Variants in TACR3 observed in about 807,000 individuals in gnomAD.
TACR3 encodes the protein neuromedin-K receptor.
In TACR3, 34 loss-of-function variants were observed where a neutral mutation model predicts 35.0. That is an observed-to-expected ratio of 0.97 (90% CI 0.74 to 1.30). The LOEUF is 1.30. TACR3 is among the 50% of genes most tolerant of loss of function. TACR3 has a pLI of 0.00. For missense variants in TACR3, 558 were observed against 591.7 expected (o/e 0.94, Z 0.59); for synonymous variants, 233 against 221.1 (o/e 1.05, Z -0.48).
chr4:103,691,105 C>T (rs1169514684), intron 1 of TACR3, among the ~76,000 whole-genome samples: 1 of 152,172 alleles, frequency 6.6e-6, no homozygotes, highest in Admixed American at 6.5e-5. Flanking sequence ...CAATCTCACT[C>T]CTATTTTCTT....
At chr4:103,602,462 T>C (rs189702119) in intron 3 of TACR3, among the ~76,000 whole-genome samples, 1 of 150,024 alleles carries the variant, frequency 6.7e-6, no homozygotes, top group East Asian at 2.0e-4. Context: ...AGAGGTGCTC[T>C]GCTTTTTAGA....
At chr4:103,629,846 AAAAC>A (rs1725007705) in intron 3 of TACR3, among the ~76,000 whole-genome samples, 8 of 100,210 alleles carry the variant, frequency 8.0e-5, no homozygotes, top group Non-Finnish European at 1.4e-4. Flanking sequence ...AATCCTAAGC[AAAAC>A]AAAAAAAAAA....
chr4:103,665,277 C>CTATGACTATTCATATATGTATATATGAA (rs1725913285), intron 1 of TACR3, among the ~76,000 whole-genome samples: 3 of 151,556 alleles, frequency 2.0e-5, no homozygotes, highest in Admixed American at 6.6e-5. Context: ...GTATATATGA[C>CTATGACTATTCATATATGTATATATGAA]TATGACTATT....
intron 1 of TACR3, among the ~76,000 whole-genome samples, chr4:103,709,247 A>G (rs975895992): frequency 1.3e-5 from 2 of 152,216 alleles, no homozygotes; most frequent in African/African-American, 2.4e-5. Context: ...TGTTAAGGGC[A>G]GCCAGAGAGA....
intron 1 of TACR3, among the ~76,000 whole-genome samples, chr4:103,700,368 G>A (rs545683189): frequency 5.3e-5 from 8 of 152,240 alleles, no homozygotes; most frequent in South Asian, 2.1e-4. Flanking sequence ...ACAGGAGTGT[G>A]TAACAGATAA....
At chr4:103,688,093 G>A (rs184523602) in intron 1 of TACR3, among the ~76,000 whole-genome samples, 75 of 151,986 alleles carry the variant, frequency 4.9e-4, no homozygotes, top group African/African-American at 1.3e-3. Context: ...AAATAATGCC[G>A]CATATCTACA....
intron 3 of TACR3, among the ~76,000 whole-genome samples, chr4:103,629,640 A>T (rs1488861533): frequency 2.6e-5 from 4 of 152,136 alleles, no homozygotes; most frequent in Admixed American, 2.6e-4. Flanking sequence ...GAAATAAAAG[A>T]GTACACAAAC....
At chr4:103,594,891 T>A (rs962814267) in intron 3 of TACR3, among the ~76,000 whole-genome samples, 1 of 144,028 alleles carries the variant, frequency 6.9e-6, no homozygotes, top group African/African-American at 2.4e-5. Flanking sequence ...TGCTATAATA[T>A]ATTTTCTGTA....
chr4:103,656,482 T>G, intron 2 of TACR3, 138 bp from the exon 3 acceptor site: 2 of 807,118 alleles, frequency 2.5e-6, no homozygotes. Context: ...ATCTCAAAAT[T>G]CCATCAAAAT....
chr4:103,693,354 A>T (rs190639581), intron 1 of TACR3, among the ~76,000 whole-genome samples: 1 of 152,304 alleles, frequency 6.6e-6, no homozygotes, highest in Admixed American at 6.5e-5. Flanking sequence ...AGACACACAG[A>T]GGTGAAGCTG....
At chr4:103,681,168 CA>C (rs539775960) in intron 1 of TACR3, among the ~76,000 whole-genome samples, 19 of 151,992 alleles carry the variant, frequency 1.3e-4, no homozygotes, top group African/African-American at 4.3e-4. Context: ...GATAAAATGT[CA>C]CTTTAGTTAT....
chr4:103,630,384 C>G (rs1725031240), intron 3 of TACR3, among the ~76,000 whole-genome samples: 1 of 152,138 alleles, frequency 6.6e-6, no homozygotes, highest in African/African-American at 2.4e-5. Context: ...AAGAAACTAC[C>G]ATCAGAGTGA....
intron 2 of TACR3, among the ~76,000 whole-genome samples, chr4:103,657,282 C>T (rs1397362574): frequency 1.3e-5 from 2 of 151,758 alleles, no homozygotes; most frequent in African/African-American, 4.8e-5. Flanking sequence ...TTCCATTTCT[C>T]AGTAGATTAC....
chr4:103,695,592 T>C (rs1347233447), intron 1 of TACR3, among the ~76,000 whole-genome samples: 1 of 152,098 alleles, frequency 6.6e-6, no homozygotes, highest in Non-Finnish European at 1.5e-5. Flanking sequence ...TCCAGTGAAG[T>C]AAATAGTAAA....
At chr4:103,638,460 C>A (rs1230931352) in intron 3 of TACR3, among the ~76,000 whole-genome samples, 3 of 151,852 alleles carry the variant, frequency 2.0e-5, no homozygotes, top group Admixed American at 1.3e-4. Context: ...TAAAGACTTA[C>A]ATGTTCGACC....
At chr4:103,597,315 C>T (rs1341484143) in intron 3 of TACR3, among the ~76,000 whole-genome samples, 7 of 152,068 alleles carry the variant, frequency 4.6e-5, no homozygotes, top group African/African-American at 1.7e-4. Flanking sequence ...GAGATGATAT[C>T]TCATTGTGGT....
intron 1 of TACR3, among the ~76,000 whole-genome samples, chr4:103,703,925 C>T (rs1443097286): frequency 6.6e-6 from 1 of 151,274 alleles, no homozygotes; most frequent in East Asian, 2.0e-4. Flanking sequence ...ACAGTGAAAC[C>T]CCATCTCTAC....
intron 3 of TACR3, among the ~76,000 whole-genome samples, chr4:103,626,213 C>A (rs1282679206): frequency 6.6e-6 from 1 of 152,112 alleles, no homozygotes; most frequent in Non-Finnish European, 1.5e-5. Context: ...GTTATTCAAC[C>A]TAGGTAGATC....
intron 3 of TACR3, among the ~76,000 whole-genome samples, chr4:103,604,481 A>G (rs534003766): frequency 6.3e-4 from 96 of 152,208 alleles, no homozygotes; most frequent in Non-Finnish European, 1.2e-3. Flanking sequence ...TAGACATGAG[A>G]AAAGACTTCA....
Sources: gnomAD v4.1 joint callset for allele counts (sites outside exome capture counted in the v4.1 genomes callset) on GRCh38, gnomAD v4.1.1 for gene constraint, MANE v1.5 for transcripts, NCBI Gene and HGNC (gene_info 2026-07-23, HGNC 2026-07-21) for gene names.